The following TEX2 variants were observed in gnomAD, a reference collection of about 807,000 sequenced individuals.
TEX2 encodes the protein testis-expressed protein 2.
Under a neutral mutation model 106.9 loss-of-function variants are expected in TEX2, and 53 were observed. The ratio of observed to expected loss-of-function variants is 0.50; its 90% CI spans 0.40 to 0.62. TEX2 has a LOEUF of 0.62. Ranked by LOEUF, TEX2 falls within the 20% of genes least tolerant of loss-of-function variation. The pLI is 0.00. For missense variants in TEX2, 1,207 were observed against 1,379.0 expected (o/e 0.88, Z 1.98); for synonymous variants, 523 against 534.8 (o/e 0.98, Z 0.30).
chr17:64,210,634 CTTTTTT>C (rs58313195), intron 2 of TEX2, among the ~76,000 whole-genome samples: 33 of 74,744 alleles, frequency 4.4e-4, no homozygotes, highest in Middle Eastern at 8.6e-3. Flanking sequence ...CAACCCCCAG[CTTTTTT>C]TTTTTTTTTT....
intron 2 of TEX2, among the ~76,000 whole-genome samples, chr17:64,206,264 A>C (rs4968704): frequency 0.58 from 88,555 of 152,062 alleles, 27,020 homozygotes; most frequent in East Asian, 0.85. Flanking sequence ...CAGGGATGCC[A>C]TTGGTCTGTG....
chr17:64,195,243 G>A lies in TEX2; in HGVS notation c.1645-148C>T. ...CTCACCAATGACTACAGGTTGCAAAGAGAAGTGCTTAGCTGGGAGGATAAC... is the reference window on the plus strand; with the variant it reads ...CTCACCAATGACTACAGGTTGCAAAAAGAAGTGCTTAGCTGGGAGGATAAC... On this transcript the variant is annotated intron_variant, in intron 2 of 11. Transcript: ENST00000584379. The surrounding 1 kb of genome is among the most constrained non-coding windows in gnomAD (Gnocchi z 4.1). The A allele has an allele frequency of 1.4e-6, 1 of 737,126 alleles. No individual in the cohort carries two copies. Among genetic ancestry groups the A allele is most frequent in the South Asian group, 1.8e-5 (1 of 56,240 alleles). 45.7% of individuals were successfully genotyped at this position (737,126 alleles called of 1,614,324 possible).
rs746197145 is a variant in TEX2 at position 64,149,101 on chromosome 17, GATA to G, written c.3262-13_3262-11del. On this transcript the variant is annotated splice_polypyrimidine_tract_variant and intron_variant, in intron 11 of 11. Transcript: ENST00000584379. Reference sequence around the variant, plus strand: ...GCATGACAAAAACTTTCTGTAGGAAGATATTAAAGAACAGCTATGTGGAAGAAT... The same window carrying G: ...GCATGACAAAAACTTTCTGTAGGAAGTTAAAGAACAGCTATGTGGAAGAAT... 5.0e-6 allele frequency: 8 copies of G among 1,613,374 alleles called. No homozygotes were observed. In the South Asian group the frequency reaches 8.8e-5, roughly 18 times the overall value.
chr17:64,256,596 C>A (rs1275911419), intron 1 of TEX2, among the ~76,000 whole-genome samples: 1 of 152,154 alleles, frequency 6.6e-6, no homozygotes, highest in Non-Finnish European at 1.5e-5. Context: ...TCTTTTCCTT[C>A]AGAGGAAGGA....
intron 4 of TEX2, 96 bp downstream of exon 4, chr17:64,193,463 G>GGTTCCTGC: frequency 1.0e-6 from 1 of 993,984 alleles, no homozygotes; most frequent in Non-Finnish European, 1.4e-6. Context: ...TTCAGGGTGG[G>GGTTCCTGC]CTTCCTTCCT....
chr17:64,214,288 A>C, intron 1 of TEX2, 46 bp from the exon 2 acceptor site: 1 of 1,484,140 alleles, frequency 6.7e-7, no homozygotes, highest in Non-Finnish European at 9.2e-7. Flanking sequence ...CAGTTTCTCC[A>C]CAGGAGACGC....
intron 7 of TEX2, among the ~76,000 whole-genome samples, chr17:64,170,791 C>A (rs1598134686): frequency 6.6e-6 from 1 of 151,996 alleles, no homozygotes; most frequent in Non-Finnish European, 1.5e-5. Context: ...CGCCACCACG[C>A]CCGACTAATT....
chr17:64,253,325 CTTTCTTTCT>C (rs1434916830), intron 1 of TEX2, among the ~76,000 whole-genome samples: 22 of 60,804 alleles, frequency 3.6e-4, no homozygotes, highest in Non-Finnish European at 7.6e-4. Flanking sequence ...TTCCTTCTTT[CTTTCTTTCT>C]TTTTTTTTTT....
At chr17:64,202,239 T>C (rs1349141952) in intron 2 of TEX2, among the ~76,000 whole-genome samples, 1 of 152,162 alleles carries the variant, frequency 6.6e-6, no homozygotes, top group Non-Finnish European at 1.5e-5. Flanking sequence ...TCTAAGGCTC[T>C]TTCCAGAACA....
chr17:64,193,807 T>C lies in TEX2; in HGVS notation c.1928A>G (p.Asp643Gly). 1.2e-6 allele frequency: 2 copies of C among 1,608,908 alleles called. No individual in the cohort carries two copies. Among genetic ancestry groups the C allele is most frequent in the Non-Finnish European group, 1.7e-6 (2 of 1,176,686 alleles). The change falls in exon 4 of 12, where the codon GAT (aspartate) becomes GGT (glycine). Residue 643 changes from aspartate (D) to glycine (G), a missense_variant. Asp to Gly is a moderately conservative substitution (Grantham distance 94). This residue lies in a region of TEX2 where 1,067 missense variants were observed against 1,193.6 expected (regional missense o/e 0.89). Coordinates refer to ENST00000584379, the MANE Select transcript of TEX2 (RefSeq NM_001288732.2). Reference protein sequence around the residue: ...YPICIELGQQDDFMSKAQTDK... With the variant: ...YPICIELGQQGDFMSKAQTDK... ...AGTCTGAGCTTTAGACATAAAGTCATCTTGCTGACCAAGCTCGATACAAAT... is the reference window on the plus strand; with the variant it reads ...AGTCTGAGCTTTAGACATAAAGTCACCTTGCTGACCAAGCTCGATACAAAT...
At chr17:64,258,736 A>G (rs1473022691) in intron 1 of TEX2, among the ~76,000 whole-genome samples, 2 of 150,868 alleles carry the variant, frequency 1.3e-5, no homozygotes, top group Non-Finnish European at 2.9e-5. Flanking sequence ...GGCACTAAGA[A>G]ATCAACTCTT....
chr17:64,208,316 G>A (rs529496883), intron 2 of TEX2, among the ~76,000 whole-genome samples: 1 of 151,826 alleles, frequency 6.6e-6, no homozygotes, highest in South Asian at 2.1e-4. Flanking sequence ...ACGGCTCAGT[G>A]CAGCCTTGAC....
chr17:64,179,982 C>T (rs2031788689), intron 5 of TEX2, among the ~76,000 whole-genome samples: 2 of 152,196 alleles, frequency 1.3e-5, no homozygotes, highest in South Asian at 2.1e-4. Context: ...CATGCCATAA[C>T]TTGCACTGTT....
chr17:64,231,493 T>G (rs1555634599), intron 1 of TEX2, among the ~76,000 whole-genome samples: 1 of 152,184 alleles, frequency 6.6e-6, no homozygotes, highest in East Asian at 1.9e-4. Flanking sequence ...CTAGGAAAAC[T>G]AACACAGCCT....
At chr17:64,253,263 C>T (rs1035916823) in intron 1 of TEX2, among the ~76,000 whole-genome samples, 2 of 152,020 alleles carry the variant, frequency 1.3e-5, no homozygotes, top group Non-Finnish European at 2.9e-5. Flanking sequence ...CTCAGTCTCC[C>T]GAGTAATTGG....
intron 1 of TEX2, among the ~76,000 whole-genome samples, chr17:64,223,800 C>T (rs191940016): frequency 6.7e-6 from 1 of 149,580 alleles, no homozygotes; most frequent in Admixed American, 6.8e-5. Context: ...ACTGCAACCT[C>T]CAGCTCCCAG....
chr17:64,218,488 G>A lies in TEX2; in HGVS notation c.-25-4246C>T, dbSNP rs367749468. 7.8e-4 allele frequency among the ~76,000 whole-genome samples: 114 copies of A among 146,796 alleles called. No homozygotes were observed. The East Asian group carries it at 0.014, about 18-fold the overall frequency. ...GCCTGGAGTGCAGTGGCACAATCTCGGCTCATTGCAACCTCCGCCTCCCAG... is the reference window on the plus strand; with the variant it reads ...GCCTGGAGTGCAGTGGCACAATCTCAGCTCATTGCAACCTCCGCCTCCCAG... On this transcript the variant is annotated intron_variant, in intron 1 of 11. Coordinates refer to ENST00000584379, the MANE Select transcript of TEX2 (RefSeq NM_001288732.2).
intron 6 of TEX2, among the ~76,000 whole-genome samples, chr17:64,171,558 T>G (rs973904996): frequency 6.6e-6 from 1 of 152,028 alleles, no homozygotes; most frequent in Non-Finnish European, 1.5e-5. Context: ...ATGGCTTCCC[T>G]GAGGAGTGGC....
intron 2 of TEX2, among the ~76,000 whole-genome samples, chr17:64,196,330 G>A (rs978980572): frequency 1.3e-5 from 2 of 152,152 alleles, no homozygotes; most frequent in African/African-American, 4.8e-5. Context: ...AAACATAATA[G>A]AGACAAGTTG....
Sources: allele counts gnomAD v4.1 joint callset (sites outside exome capture counted in the v4.1 genomes callset), GRCh38; gene constraint gnomAD v4.1.1; regional missense constraint gnomAD v4.1.1; non-coding constraint Gnocchi (gnomAD v3.1); transcripts MANE v1.5; gene names NCBI Gene and HGNC (gene_info 2026-07-23, HGNC 2026-07-21).